VTI1A: variants seen among roughly 807,000 people sequenced by gnomAD.
VTI1A encodes vesicle transport through interaction with t-SNAREs 1A.
A neutral mutation model predicts 34.9 loss-of-function variants in VTI1A; 22 were observed. The ratio of observed to expected loss-of-function variants is 0.63; its 90% CI spans 0.45 to 0.90. The LOEUF (loss-of-function observed/expected upper bound fraction) is 0.90. VTI1A is among the 40% of genes least tolerant of loss of function. The pLI is 0.00. For synonymous variants in VTI1A, 87 were observed against 97.3 expected (o/e 0.89, Z 0.62); for missense variants, 268 against 275.6 (o/e 0.97, Z 0.20).
At chr10:112,560,417 T>G (rs189926433) in intron 5 of VTI1A, among the ~76,000 whole-genome samples, 226 of 152,230 alleles carry the variant, frequency 1.5e-3, no homozygotes, top group African/African-American at 5.3e-3. Context: ...GACCACTCTT[T>G]CTAAAGCAGG....
chr10:112,829,314 G>T, the VTI1A span, among the ~76,000 whole-genome samples: 2 of 152,104 alleles, frequency 1.3e-5, no homozygotes, highest in South Asian at 4.1e-4. Flanking sequence ...CGTGGTGGCA[G>T]GTGCCTGTAG....
At chr10:112,813,209 G>A (rs1853380004) in intron 7 of VTI1A, among the ~76,000 whole-genome samples, 1 of 152,182 alleles carries the variant, frequency 6.6e-6, no homozygotes, top group African/African-American at 2.4e-5. Flanking sequence ...GAAGGTTAGG[G>A]AAGAGCTGAG....
intron 3 of VTI1A, among the ~76,000 whole-genome samples, chr10:112,485,585 G>A (rs1278301836): frequency 1.3e-5 from 2 of 152,208 alleles, no homozygotes; most frequent in African/African-American, 4.8e-5. Context: ...TGACGTTTTG[G>A]AAGGATGTTA....
intron 7 of VTI1A, among the ~76,000 whole-genome samples, chr10:112,810,814 C>T (rs984703944): frequency 3.3e-5 from 5 of 152,304 alleles, no homozygotes; most frequent in South Asian, 2.1e-4. Flanking sequence ...TGAGGCCTCA[C>T]GCATGATATC....
At chr10:112,513,145 A>G (rs1849669886) in intron 3 of VTI1A, among the ~76,000 whole-genome samples, 1 of 152,100 alleles carries the variant, frequency 6.6e-6, no homozygotes, top group African/African-American at 2.4e-5. Flanking sequence ...ACATTTTCAC[A>G]GTATTAATTC....
intron 5 of VTI1A, among the ~76,000 whole-genome samples, chr10:112,649,401 G>T (rs1166420415): frequency 6.6e-6 from 1 of 152,062 alleles, no homozygotes; most frequent in Non-Finnish European, 1.5e-5. Context: ...TTTGAAGTGT[G>T]GCTTATCATA....
chr10:112,646,736 C>T (rs533480798), intron 5 of VTI1A, among the ~76,000 whole-genome samples: 2 of 152,194 alleles, frequency 1.3e-5, no homozygotes, highest in South Asian at 2.1e-4. Context: ...ATCTCGAACT[C>T]GTGACCTCAG....
At chr10:112,460,661 A>G in intron 2 of VTI1A, 79 bp downstream of exon 2, 3 of 1,150,828 alleles carry the variant, frequency 2.6e-6, no homozygotes, top group Non-Finnish European at 3.5e-6. Flanking sequence ...TGTTTTATAC[A>G]TTGTGGAAAT....
intron 1 of VTI1A, chr10:112,448,976 G>A (rs1289880811): frequency 6.6e-6 from 1 of 152,224 alleles, no homozygotes; most frequent in Non-Finnish European, 1.5e-5. Flanking sequence ...ATGTCTTAAA[G>A]AGGTTTATGA....
chr10:112,702,344 T>C (rs1335530949), intron 7 of VTI1A, among the ~76,000 whole-genome samples: 3 of 152,232 alleles, frequency 2.0e-5, no homozygotes, highest in South Asian at 4.1e-4. Flanking sequence ...AGAACCTTAA[T>C]AGCACCAAAT....
At chr10:112,797,788 T>C (rs1054860344) in intron 7 of VTI1A, among the ~76,000 whole-genome samples, 29 of 152,160 alleles carry the variant, frequency 1.9e-4, no homozygotes, top group Non-Finnish European at 3.8e-4. Flanking sequence ...CCTAAATATA[T>C]GCAACACAAT....
intron 3 of VTI1A, among the ~76,000 whole-genome samples, chr10:112,520,918 AC>A (rs1850003783): frequency 6.6e-6 from 1 of 152,034 alleles, no homozygotes; most frequent in Non-Finnish European, 1.5e-5. Flanking sequence ...ATACTAAAGA[AC>A]AATGGATTAT....
chr10:112,489,799 G>C (rs945351677), intron 3 of VTI1A, among the ~76,000 whole-genome samples: 2 of 152,142 alleles, frequency 1.3e-5, no homozygotes, highest in Non-Finnish European at 2.9e-5. Flanking sequence ...TAGATTGTGG[G>C]TTGTGGCTAT....
chr10:112,679,346 A>G (rs1446377414), intron 7 of VTI1A, among the ~76,000 whole-genome samples: 1 of 152,242 alleles, frequency 6.6e-6, no homozygotes, highest in Non-Finnish European at 1.5e-5. Flanking sequence ...GAAGAAATAT[A>G]TTCCATACTC....
chr10:112,572,842 CAAA>C (rs35922968), intron 5 of VTI1A, among the ~76,000 whole-genome samples: 54 of 131,800 alleles, frequency 4.1e-4, no homozygotes, highest in Non-Finnish European at 3.9e-4. Context: ...CCGTCTCAAC[CAAA>C]AAAAAAAAAA....
intron 5 of VTI1A, among the ~76,000 whole-genome samples, chr10:112,592,515 G>A (rs926226557): frequency 1.3e-5 from 2 of 152,250 alleles, no homozygotes; most frequent in South Asian, 2.1e-4. Flanking sequence ...TTCTGCCTCC[G>A]CAATGGTGCA....
chr10:112,519,691 T>C (rs780908448), intron 3 of VTI1A, among the ~76,000 whole-genome samples: 8 of 152,096 alleles, frequency 5.3e-5, no homozygotes, highest in Non-Finnish European at 5.9e-5. Context: ...GTTCTGTCCT[T>C]GTTCTGCCTC....
rs548038583 is a variant in VTI1A at position 112,497,823 on chromosome 10, C to A, written c.265-29264C>A. Among the ~76,000 whole-genome samples, 2 of 152,158 alleles carry A rather than the reference C, an allele frequency of 1.3e-5. 1 individual carries two copies. Among genetic ancestry groups the A allele is most frequent in the South Asian group, 4.2e-4 (2 of 4,816 alleles). On this transcript the variant is annotated intron_variant, in intron 3 of 7. Transcript: ENST00000393077. ...TATTTTCCAGCTCTAGAAAACAGAC[C>A]TGGATGAATATGTAAATAGGTTAAA... is the stretch of plus-strand genomic sequence containing the variant.
chr10:112,613,161 G>A (rs368706281), intron 5 of VTI1A, among the ~76,000 whole-genome samples: 4 of 152,202 alleles, frequency 2.6e-5, no homozygotes, highest in East Asian at 1.9e-4. Context: ...TGAAGAGGAC[G>A]TTTTAATAAC....
Sources: gnomAD v4.1 joint callset for allele counts (sites outside exome capture counted in the v4.1 genomes callset) on GRCh38, gnomAD v4.1.1 for gene constraint, MANE v1.5 for transcripts, NCBI Gene and HGNC (gene_info 2026-07-23, HGNC 2026-07-21) for gene names.